The following NECTIN1 variants were observed in gnomAD, a reference collection of about 807,000 sequenced individuals.
The protein encoded by NECTIN1 is nectin-1.
In NECTIN1, 23 loss-of-function variants were observed where a neutral mutation model predicts 48.0. The observed-to-expected ratio is 0.48, with a 90% CI of 0.34 to 0.68. The LOEUF (loss-of-function observed/expected upper bound fraction) is 0.68. Among genes scored for constraint, NECTIN1 ranks in the 30% least tolerant of loss-of-function variants. The pLI, the probability that NECTIN1 is intolerant of heterozygous loss-of-function variation, is 0.01. For missense variants in NECTIN1, 591 were observed against 709.9 expected (o/e 0.83, Z 1.90); for synonymous variants, 270 against 288.9 (o/e 0.93, Z 0.66).
At chr11:119,723,377 C>T (rs950495495) in intron 1 of NECTIN1, among the ~76,000 whole-genome samples, 2 of 152,178 alleles carry the variant, frequency 1.3e-5, no homozygotes, top group African/African-American at 4.8e-5. Context: ...GAGTGATCAT[C>T]AGGTTGTAGG....
chr11:119,665,272 G>C lies in NECTIN1; in HGVS notation c.1029C>G (p.Pro343=). 3 of 1,594,560 alleles carry C rather than the reference G, an allele frequency of 1.9e-6. No individual in the cohort carries two copies. Among genetic ancestry groups the C allele is most frequent in the Non-Finnish European group, 2.6e-6 (3 of 1,175,928 alleles). The change falls in exon 6 of 6, where the codon CCC becomes CCG. Residue 343 remains proline (P), a synonymous_variant. Coordinates refer to ENST00000264025, the MANE Select transcript of NECTIN1 (RefSeq NM_002855.5). This position sits in a 1 kb window ranked among gnomAD's most constrained non-coding sequence, Gnocchi z 5.1. ...CCGGCCCGGCGCGCCGCCCATGTTC[G>C]GGAGGAGACGGGGTGTAGGGGAATT... ...ITEFPYTPSP[P]EHGRRAGPVP...
At chr11:119,659,885 G>A (rs1452013075), downstream of NECTIN1, among the ~76,000 whole-genome samples, 2 of 152,172 alleles carry the variant, frequency 1.3e-5, no homozygotes, top group Non-Finnish European at 2.9e-5. Flanking sequence ...AACTTAAACG[G>A]ACAGCCTGGA....
At chr11:119,649,379 C>CAA (rs559894952) in intron 5 of NECTIN1, among the ~76,000 whole-genome samples, 124 of 126,638 alleles carry the variant, frequency 9.8e-4, no homozygotes, top group Middle Eastern at 9.5e-3. Flanking sequence ...GACTCCATCT[C>CAA]AAAAAAAAAA....
chr11:119,704,175 T>G (rs187808628), intron 1 of NECTIN1, among the ~76,000 whole-genome samples: 32 of 152,194 alleles, frequency 2.1e-4, no homozygotes, highest in African/African-American at 7.5e-4. Flanking sequence ...GGGCAGGGGC[T>G]GTCTGCTTCC....
intron 5 of NECTIN1, chr11:119,641,413 G>A (rs1194242747): frequency 1.3e-5 from 2 of 152,204 alleles, no homozygotes; most frequent in African/African-American, 4.8e-5. Flanking sequence ...ACAGTTTGTG[G>A]CCTTTATCAA....
At chr11:119,728,355 C>A (rs1865952056) in intron 1 of NECTIN1, 120 bp downstream of exon 1, 5 of 985,332 alleles carry the variant, frequency 5.1e-6, no homozygotes, top group Non-Finnish European at 7.6e-6. Context: ...TTTACCCAAG[C>A]CGTGACCCAA....
In NECTIN1 at chr11:119,728,493, T is replaced by C; in HGVS notation, c.61A>G (p.Thr21Ala). Residue 21 changes from threonine (T) to alanine (A), a missense_variant, in exon 1 of 6, where the codon ACC becomes GCC. Thr to Ala is a moderately conservative substitution (Grantham distance 58). Transcript: ENST00000264025. ...GRWWGLALGL[T>A]AFFLPGVHSQ... ...CTCTTACCTGGGAGGAAGAATGCGG[T>C]CAAGCCGAGAGCGAGTCCCCACCAG... 1 of 1,602,042 alleles carries C rather than the reference T, an allele frequency of 6.2e-7. No homozygotes were observed. The highest frequency in any genetic ancestry group is 8.5e-7 in the Non-Finnish European group (1 of 1,175,288).
chr11:119,694,931 T>G (rs1380438314), intron 1 of NECTIN1, among the ~76,000 whole-genome samples: 1 of 151,582 alleles, frequency 6.6e-6, no homozygotes, highest in Non-Finnish European at 1.5e-5. Context: ...GCCCCTTGAC[T>G]CTCCTTCTGA....
At chr11:119,651,292 T>G (rs553614989) in intron 5 of NECTIN1, among the ~76,000 whole-genome samples, 11 of 152,258 alleles carry the variant, frequency 7.2e-5, no homozygotes, top group Non-Finnish European at 1.2e-4. Context: ...CCAATTCCCA[T>G]TGGGGCTTGG....
chr11:119,709,690 G>A lies in NECTIN1; in HGVS notation c.79+18785C>T, dbSNP rs984322549. Among the ~76,000 whole-genome samples, 1 of 152,160 alleles carries A rather than the reference G, an allele frequency of 6.6e-6. No homozygotes were observed. Among genetic ancestry groups the A allele is most frequent in the African/African-American group, 2.4e-5 (1 of 41,430 alleles). ...CTGGGGGCTGGGAGAGGAGAGTGAT[G>A]CTCGGGGACTCCCCAACTCTCAGGC... On this transcript the variant is annotated intron_variant, in intron 1 of 5. Coordinates refer to ENST00000264025, the MANE Select transcript of NECTIN1 (RefSeq NM_002855.5). The surrounding 1 kb of genome is among the most constrained non-coding windows in gnomAD (Gnocchi z 4.1).
chr11:119,662,290 G>A lies in NECTIN1; in HGVS notation c.*2457C>T. On this transcript the variant is annotated 3_prime_UTR_variant, in exon 6 of 6. Coordinates refer to ENST00000264025, the MANE Select transcript of NECTIN1 (RefSeq NM_002855.5). This position sits in a 1 kb window ranked among gnomAD's most constrained non-coding sequence, Gnocchi z 5.3. ...GTAGTGCCCACCTTCCCACAAACTT[G>A]GGGCACAGAAAACCTCACATCCCTA... 1.0e-6 allele frequency: 1 copy of A among 985,720 alleles called. No homozygotes were observed. Among genetic ancestry groups the A allele is most frequent in the Non-Finnish European group, 1.2e-6 (1 of 829,948 alleles). 61.1% of individuals were successfully genotyped at this position (985,720 alleles called of 1,614,324 possible). A position where few individuals can be genotyped will look rare whatever the true frequency, so the allele number is the denominator to read the frequency against.
At chr11:119,681,018 C>T (rs747747300) in intron 1 of NECTIN1, among the ~76,000 whole-genome samples, 37 of 152,230 alleles carry the variant, frequency 2.4e-4, no homozygotes, top group Admixed American at 2.2e-3. Context: ...ACTGGCCTCC[C>T]GAGTCCCAGT....
chr11:119,654,538 AT>A (rs1864540136), intron 5 of NECTIN1, among the ~76,000 whole-genome samples: 1 of 74,088 alleles, frequency 1.3e-5, no homozygotes, highest in South Asian at 3.3e-4. Flanking sequence ...GGAGATGGCA[AT>A]GTGTGTGTGC....
At chr11:119,722,687 G>A (rs1287194614) in intron 1 of NECTIN1, among the ~76,000 whole-genome samples, 1 of 152,252 alleles carries the variant, frequency 6.6e-6, no homozygotes, top group African/African-American at 2.4e-5. Context: ...TCCCGAGTGG[G>A]GGCAGGGACT....
downstream of NECTIN1, among the ~76,000 whole-genome samples, chr11:119,657,303 C>T (rs1325352871): frequency 6.6e-6 from 1 of 152,034 alleles, no homozygotes; most frequent in Admixed American, 6.6e-5. Context: ...TTGGAATCTC[C>T]TGGGTAGCTT....
chr11:119,656,734 T>G (rs1864580020), downstream of NECTIN1, among the ~76,000 whole-genome samples: 1 of 152,170 alleles, frequency 6.6e-6, no homozygotes, highest in South Asian at 2.1e-4. Flanking sequence ...AGCGGAGGAC[T>G]CAAAGAGCAC....
At chr11:119,645,366 T>C (rs1864383745) in intron 5 of NECTIN1, among the ~76,000 whole-genome samples, 1 of 152,168 alleles carries the variant, frequency 6.6e-6, no homozygotes, top group Non-Finnish European at 1.5e-5. Context: ...GCGGTCTCAC[T>C]GCTGGGAGGG....
intron 5 of NECTIN1, among the ~76,000 whole-genome samples, chr11:119,654,827 C>T (rs537741498): frequency 2.0e-4 from 31 of 152,132 alleles, no homozygotes; most frequent in South Asian, 8.3e-4. Context: ...CCTTGGCCTC[C>T]GAAAGTGCTG....
chr11:119,706,803 GTA>G (rs1275322982), intron 1 of NECTIN1, among the ~76,000 whole-genome samples: 5 of 152,186 alleles, frequency 3.3e-5, no homozygotes, highest in African/African-American at 1.2e-4. Flanking sequence ...CGGAGCATTT[GTA>G]TATACTCTTA....
Sources: allele counts gnomAD v4.1 joint callset (sites outside exome capture counted in the v4.1 genomes callset), GRCh38; gene constraint gnomAD v4.1.1; non-coding constraint Gnocchi (gnomAD v3.1); transcripts MANE v1.5; gene names NCBI Gene and HGNC (gene_info 2026-07-23, HGNC 2026-07-21).